Variants in UBE2D3 observed in about 807,000 individuals in gnomAD.
UBE2D3 encodes ubiquitin-conjugating enzyme E2 D3.
UBE2D3 carries 2 observed loss-of-function variants against 22.8 expected under a neutral mutation model. The ratio of observed to expected loss-of-function variants is 0.09; its 90% CI spans 0.04 to 0.28. The LOEUF (loss-of-function observed/expected upper bound fraction) is 0.28, where lower values mean the gene tolerates loss of function less well. Ranked by LOEUF, UBE2D3 falls within the 10% of genes least tolerant of loss-of-function variation. UBE2D3 has a pLI of 1.00. For missense variants in UBE2D3, 27 were observed against 182.5 expected (o/e 0.15, Z 4.91); for synonymous variants, 56 against 60.4 (o/e 0.93, Z 0.34).
At chr4:102,814,505 C>T (rs1240037573) in intron 2 of UBE2D3, among the ~76,000 whole-genome samples, 2 of 147,670 alleles carry the variant, frequency 1.4e-5, no homozygotes, top group African/African-American at 5.0e-5. Flanking sequence ...GGGGTTTCAC[C>T]ATGGCCAGGC....
At chr4:102,805,859 TTA>T (rs1726947313) in intron 4 of UBE2D3, among the ~76,000 whole-genome samples, 1 of 152,202 alleles carries the variant, frequency 6.6e-6, no homozygotes, top group African/African-American at 2.4e-5. Flanking sequence ...TTTTTCCTGT[TTA>T]TTAATAGCAA....
intron 2 of UBE2D3, among the ~76,000 whole-genome samples, chr4:102,816,272 C>G (rs1314026427): frequency 6.6e-6 from 1 of 152,214 alleles, no homozygotes; most frequent in Non-Finnish European, 1.5e-5. Context: ...CATTGTCCAT[C>G]CCAACCTAAG....
chr4:102,817,402 T>TA (rs1728922362), intron 2 of UBE2D3, among the ~76,000 whole-genome samples: 1 of 152,190 alleles, frequency 6.6e-6, no homozygotes, highest in South Asian at 2.1e-4. Context: ...TTTACGGAAA[T>TA]AGAGCTCATC....
intron 1 of UBE2D3, among the ~76,000 whole-genome samples, chr4:102,835,005 T>A (rs1429666084): frequency 6.6e-6 from 1 of 152,042 alleles, no homozygotes; most frequent in African/African-American, 2.4e-5. Flanking sequence ...ATCCCCACTC[T>A]CTCAGGATAC....
chr4:102,803,877 T>A (rs1206326106), intron 4 of UBE2D3, among the ~76,000 whole-genome samples: 2 of 152,126 alleles, frequency 1.3e-5, no homozygotes, highest in Non-Finnish European at 2.9e-5. Flanking sequence ...CAAGCAACTC[T>A]CCTGCCTCAG....
intron 2 of UBE2D3, among the ~76,000 whole-genome samples, chr4:102,823,376 G>A (rs1729935986): frequency 6.6e-6 from 1 of 152,104 alleles, no homozygotes; most frequent in Admixed American, 6.5e-5. Flanking sequence ...CAGTGGAAGT[G>A]GTGGTAGGAG....
At chr4:102,832,615 G>A (rs1317985316) in intron 1 of UBE2D3, among the ~76,000 whole-genome samples, 1 of 151,860 alleles carries the variant, frequency 6.6e-6, no homozygotes, top group Non-Finnish European at 1.5e-5. Flanking sequence ...ATAAGAGAGA[G>A]TACAGGAAGT....
intron 2 of UBE2D3, among the ~76,000 whole-genome samples, chr4:102,823,889 A>AT (rs1470387481): frequency 1.3e-5 from 2 of 152,242 alleles, no homozygotes; most frequent in Non-Finnish European, 2.9e-5. Flanking sequence ...CAGATATATC[A>AT]TAATACTTGA....
intron 1 of UBE2D3, among the ~76,000 whole-genome samples, chr4:102,842,811 G>GT (rs1731830367): frequency 6.6e-6 from 1 of 152,178 alleles, no homozygotes; most frequent in African/African-American, 2.4e-5. Flanking sequence ...AACTGTAACT[G>GT]TAAGACTACC....
At chr4:102,852,578 A>T (rs946814901) in intron 1 of UBE2D3, among the ~76,000 whole-genome samples, 4 of 152,226 alleles carry the variant, frequency 2.6e-5, no homozygotes, top group Non-Finnish European at 4.4e-5. Flanking sequence ...GACAACTCAT[A>T]CAACTTGAAT....
chr4:102,829,904 A>C (rs920367606), upstream of UBE2D3, among the ~76,000 whole-genome samples: 3 of 152,182 alleles, frequency 2.0e-5, no homozygotes, highest in African/African-American at 7.2e-5. Context: ...ACTGCGACAG[A>C]GTGAGACCCT....
chr4:102,804,667 C>T (rs1196652867), intron 4 of UBE2D3, among the ~76,000 whole-genome samples: 1 of 152,090 alleles, frequency 6.6e-6, no homozygotes, highest in Non-Finnish European at 1.5e-5. Context: ...TAATCCCAAA[C>T]ACTAAAGTTG....
At chr4:102,843,792 ACT>A (rs1466541863) in intron 1 of UBE2D3, 1 of 152,142 alleles carries the variant, frequency 6.6e-6, no homozygotes, top group Admixed American at 6.6e-5. Flanking sequence ...TAATTTCATT[ACT>A]CTGATAAATC....
chr4:102,827,189 G>C (rs1402416641), intron 1 of UBE2D3: 2 of 986,712 alleles, frequency 2.0e-6, no homozygotes, highest in African/African-American at 1.7e-5. Flanking sequence ...CGCCCGCCCA[G>C]CCACCTCCAC....
chr4:102,825,511 A>ACAG, intron 2 of UBE2D3: 2 of 1,172,356 alleles, frequency 1.7e-6, no homozygotes, highest in Non-Finnish European at 2.1e-6. Context: ...AAAGAGCCTG[A>ACAG]ACCAGTTAAA....
chr4:102,848,385 C>G (rs982535077), intron 1 of UBE2D3, among the ~76,000 whole-genome samples: 2 of 152,112 alleles, frequency 1.3e-5, no homozygotes, highest in African/African-American at 4.8e-5. Flanking sequence ...TGGCTCACAC[C>G]TGTAATCCTA....
chr4:102,842,685 G>A (rs1385379166), intron 1 of UBE2D3, among the ~76,000 whole-genome samples: 1 of 152,166 alleles, frequency 6.6e-6, no homozygotes, highest in Non-Finnish European at 1.5e-5. Context: ...ACTTGTTAGT[G>A]ACAAGTTGTA....
upstream of UBE2D3, chr4:102,828,059 A>G (rs979546932): frequency 1.4e-5 from 14 of 985,308 alleles, no homozygotes; most frequent in Admixed American, 1.2e-4. Flanking sequence ...TCCGCCTCCA[A>G]AATGCATAAG....
chr4:102,854,675 T>C (rs1732546479), intron 1 of UBE2D3, among the ~76,000 whole-genome samples: 1 of 152,224 alleles, frequency 6.6e-6, no homozygotes, highest in African/African-American at 2.4e-5. Context: ...ACTTTTCACC[T>C]ATCTATGTCT....
Sources: gnomAD v4.1 joint callset for allele counts (sites outside exome capture counted in the v4.1 genomes callset) on GRCh38, gnomAD v4.1.1 for gene constraint, MANE v1.5 for transcripts, NCBI Gene and HGNC (gene_info 2026-07-23, HGNC 2026-07-21) for gene names.